The following GALR2 variants were observed in gnomAD, a reference collection of about 807,000 sequenced individuals.
GALR2 encodes galanin receptor 2, also known as galanin receptor type 2.
Under a neutral mutation model 7.2 loss-of-function variants are expected in GALR2, and 5 were observed. That is an observed-to-expected ratio of 0.69 (90% CI 0.36 to 1.45). GALR2 has a LOEUF of 1.45. GALR2 is among the 40% of genes most tolerant of loss of function. The pLI is 0.03. For missense variants in GALR2, 561 were observed against 555.7 expected, an observed-to-expected ratio of 1.01 and a Z score of -0.10; for synonymous variants, 300 against 263.9, an observed-to-expected ratio of 1.14 and a Z score of -1.32.
chr17:76,072,115 G>T, upstream of GALR2: 1 of 1,113,790 alleles, frequency 9.0e-7, no homozygotes, highest in East Asian at 2.6e-5. This position sits in a 1 kb window ranked among gnomAD's most constrained non-coding sequence, Gnocchi z 4.5. Context: ...AGGACGGCGA[G>T]GGGGACACGA....
rs1455054343 is a variant in GALR2 at position 76,075,157 on chromosome 17, G to A, written c.274G>A (p.Val92Met). Residue 92 changes from valine to methionine, a missense_variant, in exon 1 of 2, where the codon GTG becomes ATG. Physicochemically the swap from Val to Met is conservative, Grantham distance 21 (BLOSUM62 1). Transcript: ENST00000329003. The surrounding 1 kb of genome is among the most constrained non-coding windows in gnomAD (Gnocchi z 5.9). ...CACCATCTACACCCTGGACGGCTGG[G>A]TGTTCGGCTCGCTGCTGTGCAAGGC... ...QATIYTLDGW[V>M]FGSLLCKAVH... is the part of the protein sequence containing the mutation. 3 of 1,612,420 alleles carry A rather than the reference G, an allele frequency of 1.9e-6. No homozygotes were observed. Among genetic ancestry groups the A allele is most frequent in the Non-Finnish European group, 2.5e-6 (3 of 1,180,014 alleles).
upstream of GALR2, chr17:76,072,508 A>G: frequency 6.3e-7 from 1 of 1,578,502 alleles, no homozygotes; most frequent in South Asian, 1.1e-5. This position sits in a 1 kb window ranked among gnomAD's most constrained non-coding sequence, Gnocchi z 4.5. Flanking sequence ...CCTGCGCCGC[A>G]GAGCAAGACG....
chr17:76,074,856 C>G lies in GALR2; in HGVS notation c.-28C>G. On this transcript the variant is annotated 5_prime_UTR_variant, in exon 1 of 2. Coordinates refer to ENST00000329003, the MANE Select transcript of GALR2 (RefSeq NM_003857.4). This position sits in a 1 kb window ranked among gnomAD's most constrained non-coding sequence, Gnocchi z 6.7. ...GCGGAGACCCAGACGGCTGCAGGAG[C>G]CCGGGCAGCCTCGGGGTCAGCGGCA... 10 of 1,470,060 alleles carry G rather than the reference C, an allele frequency of 6.8e-6. No individual in the cohort carries two copies. The highest frequency in any genetic ancestry group is 9.0e-6 in the Non-Finnish European group (10 of 1,115,220). The allele number at this position is 1,470,060 out of a possible 1,614,324, so 91.1% of individuals were successfully genotyped here.
upstream of GALR2, chr17:76,072,432 A>G (rs374339461): frequency 0.016 from 25,776 of 1,584,314 alleles, 277 homozygotes; most frequent in African/African-American, 0.027. This position sits in a 1 kb window ranked among gnomAD's most constrained non-coding sequence, Gnocchi z 4.5. Flanking sequence ...CGCCACTGCC[A>G]CCGCCGCCGC....
In GALR2 at chr17:76,075,515, C is replaced by T. The variant is rs1598275379; in HGVS notation, c.368+264C>T. On this transcript the variant is annotated intron_variant, in intron 1 of 1. Transcript: ENST00000329003. This position sits in a 1 kb window ranked among gnomAD's most constrained non-coding sequence, Gnocchi z 5.9. Reference sequence around the variant, plus strand: ...GTGCCTGACAACGCGCAGCGTTTCCCAGTACGACGCGTTTGTGCGCGTTCA... The same window carrying T: ...GTGCCTGACAACGCGCAGCGTTTCCTAGTACGACGCGTTTGTGCGCGTTCA... Among the ~76,000 whole-genome samples, 6 of 152,378 alleles carry T rather than the reference C, an allele frequency of 3.9e-5. 2 individuals carry two copies. The highest frequency in any genetic ancestry group is 3.9e-4 in the Admixed American group (6 of 15,308).
At chr17:76,073,634 G>A (rs1054137481), upstream of GALR2, among the ~76,000 whole-genome samples, 9 of 143,560 alleles carry the variant, frequency 6.3e-5, no homozygotes, top group African/African-American at 2.3e-4. Flanking sequence ...TACGGAATAA[G>A]GTCAGGAGAA....
chr17:76,075,257 C>G lies in GALR2; in HGVS notation c.368+6C>G. 1 of 1,595,066 alleles carries G rather than the reference C, an allele frequency of 6.3e-7. No individual in the cohort carries two copies. The highest frequency in any genetic ancestry group is 1.1e-5 in the South Asian group (1 of 90,352). On this transcript the variant is annotated splice_donor_region_variant and intron_variant, in intron 1 of 1. Coordinates refer to ENST00000329003, the MANE Select transcript of GALR2 (RefSeq NM_003857.4). This position sits in a 1 kb window ranked among gnomAD's most constrained non-coding sequence, Gnocchi z 5.9. ...GCCGCCGTCTCCCTGGACAGGTGAG[C>G]CAGCGCCTTGGCCTCCCTGGGAGAT... is the stretch of plus-strand genomic sequence containing the variant.
Position 76,077,275 on chromosome 17 carries a change from G to A in GALR2, c.1008G>A (p.Glu336=). 1 of 1,601,052 alleles carries A rather than the reference G, an allele frequency of 6.2e-7. No homozygotes were observed. The highest frequency in any genetic ancestry group is 1.3e-5 in the African/African-American group (1 of 74,958). Residue 336 remains glutamate (E), a synonymous_variant, in exon 2 of 2, where the codon GAG becomes GAA. Transcript: ENST00000329003. ...ARGTHSGSVL[E]RESSDLLHMS... ...GCACCCACAGTGGCAGCGTGTTGGA[G>A]CGCGAGTCCAGCGACCTGTTGCACA...
upstream of GALR2, chr17:76,072,119 G>T: frequency 8.8e-7 from 1 of 1,138,282 alleles, no homozygotes; most frequent in Non-Finnish European, 1.2e-6. This position sits in a 1 kb window ranked among gnomAD's most constrained non-coding sequence, Gnocchi z 4.5. Context: ...CGGCGAGGGG[G>T]ACACGAGGAA....
Position 76,077,132 on chromosome 17 carries a change from C to T in GALR2, c.865C>T (p.Pro289Ser), listed in dbSNP as rs761260942. 6.8e-6 allele frequency: 11 copies of T among 1,612,928 alleles called. No individual in the cohort carries two copies. In the South Asian group the frequency reaches 1.2e-4, roughly 18 times the overall value. ...LVSYANSCVNPIVYALVSKHF... is the reference protein window; with the variant it reads ...LVSYANSCVNSIVYALVSKHF... ...CTCCTACGCCAACTCCTGCGTCAAC[C>T]CCATCGTTTACGCGCTGGTCTCCAA... The change falls in exon 2 of 2, where the codon CCC becomes TCC. Residue 289 changes from proline (P) to serine (S), a missense_variant. Pro to Ser is a moderately conservative substitution (Grantham distance 74). Coordinates refer to ENST00000329003, the MANE Select transcript of GALR2 (RefSeq NM_003857.4).
At chr17:76,072,416 C>T (rs780927130), upstream of GALR2, 3 of 1,585,052 alleles carry the variant, frequency 1.9e-6, no homozygotes, top group South Asian at 1.1e-5. The surrounding 1 kb of genome is among the most constrained non-coding windows in gnomAD (Gnocchi z 4.5). Context: ...CCGCCGCTAC[C>T]GCCGCCGCCA....
Position 76,077,500 on chromosome 17 carries a change from T to C in GALR2, c.*69T>C. Reference sequence around the variant, plus strand: ...TTGTTGGGGGACCGTGGGGAGAGCTTTGCCTGTTAATAAAACGCACAAACC... The same window carrying C: ...TTGTTGGGGGACCGTGGGGAGAGCTCTGCCTGTTAATAAAACGCACAAACC... On this transcript the variant is annotated 3_prime_UTR_variant, in exon 2 of 2. Coordinates refer to ENST00000329003, the MANE Select transcript of GALR2 (RefSeq NM_003857.4). 7.6e-7 allele frequency: 1 copy of C among 1,320,378 alleles called. No homozygotes were observed. The highest frequency in any genetic ancestry group is 1.0e-6 in the Non-Finnish European group (1 of 994,290). The allele number at this position is 1,320,378 out of a possible 1,614,324, so 81.8% of individuals were successfully genotyped here.
upstream of GALR2, chr17:76,072,217 A>C: frequency 6.3e-7 from 1 of 1,589,108 alleles, no homozygotes; most frequent in Non-Finnish European, 8.5e-7. This position sits in a 1 kb window ranked among gnomAD's most constrained non-coding sequence, Gnocchi z 4.5. Context: ...CTCTCCTGCC[A>C]GGACTTGTCG....
upstream of GALR2, among the ~76,000 whole-genome samples, chr17:76,074,566 G>A (rs1057456924): frequency 3.9e-5 from 6 of 152,338 alleles, no homozygotes; most frequent in African/African-American, 1.4e-4. This position sits in a 1 kb window ranked among gnomAD's most constrained non-coding sequence, Gnocchi z 6.7. Context: ...CAGAACCCCC[G>A]ACTGCGGGGG....
At chr17:76,074,522 C>T (rs980165955), upstream of GALR2, among the ~76,000 whole-genome samples, 10 of 152,220 alleles carry the variant, frequency 6.6e-5, no homozygotes, top group Admixed American at 6.5e-4. The surrounding 1 kb of genome is among the most constrained non-coding windows in gnomAD (Gnocchi z 6.7). Context: ...ACCGCTCCGG[C>T]GTCTGCCGGG....
Position 76,075,380 on chromosome 17 carries a change from C to T in GALR2, c.368+129C>T, listed in dbSNP as rs1567941044. 3 of 1,016,968 alleles carry T rather than the reference C, an allele frequency of 2.9e-6. No homozygotes were observed. The highest frequency in any genetic ancestry group is 2.8e-6 in the Non-Finnish European group (2 of 705,864). 63.0% of individuals were successfully genotyped at this position (1,016,968 alleles called of 1,614,324 possible). The stretch of plus-strand genomic sequence containing the variant: ...CACTAAGAAGGCAGTGGAAGACAAG[C>T]GGGCGCGGAGGAGGAAAAAGAGGAA... On this transcript the variant is annotated intron_variant, in intron 1 of 1. Coordinates refer to ENST00000329003, the MANE Select transcript of GALR2 (RefSeq NM_003857.4). The surrounding 1 kb of genome is among the most constrained non-coding windows in gnomAD (Gnocchi z 5.9).
Position 76,074,961 on chromosome 17 carries a change from C to T in GALR2, c.78C>T (p.Val26=). Residue 26 remains valine (V), a synonymous_variant, in exon 1 of 2, where the codon GTC becomes GTT. Coordinates refer to ENST00000329003, the MANE Select transcript of GALR2 (RefSeq NM_003857.4). This position sits in a 1 kb window ranked among gnomAD's most constrained non-coding sequence, Gnocchi z 6.7. ...GGGGGWHPEA[V]IVPLLFALIF... is the part of the protein sequence containing the mutation. ...GGGGAGGCTGGCACCCCGAGGCGGT[C>T]ATCGTGCCCCTGCTCTTCGCGCTCA... 1 of 1,589,512 alleles carries T rather than the reference C, an allele frequency of 6.3e-7. No homozygotes were observed. The highest frequency in any genetic ancestry group is 8.5e-7 in the Non-Finnish European group (1 of 1,174,324).
At position 76,075,136 on chromosome 17, in the gene GALR2, A is replaced by T. The variant is rs772801215; in HGVS notation, c.253A>T (p.Ile85Phe). The T allele has an allele frequency of 6.2e-7, 1 of 1,612,594 alleles. No individual in the cohort carries two copies. The highest frequency in any genetic ancestry group is 8.5e-7 in the Non-Finnish European group (1 of 1,179,970). ...ILCCVPFQATIYTLDGWVFGS... is the reference protein window; with the variant it reads ...ILCCVPFQATFYTLDGWVFGS... ...GTGCTGCGTGCCCTTCCAGGCCACC[A>T]TCTACACCCTGGACGGCTGGGTGTT... Residue 85 changes from isoleucine (I) to phenylalanine (F), a missense_variant, in exon 1 of 2, where the codon ATC (isoleucine) becomes TTC (phenylalanine). Transcript: ENST00000329003. This position sits in a 1 kb window ranked among gnomAD's most constrained non-coding sequence, Gnocchi z 5.9.
Position 76,077,490 on chromosome 17 carries a change from G to A in GALR2, c.*59G>A, listed in dbSNP as rs76669670. On this transcript the variant is annotated 3_prime_UTR_variant, in exon 2 of 2. Coordinates refer to ENST00000329003, the MANE Select transcript of GALR2 (RefSeq NM_003857.4). The stretch of plus-strand genomic sequence containing the variant: ...GTTGGAGTCATTGTTGGGGGACCGT[G>A]GGGAGAGCTTTGCCTGTTAATAAAA... 2,508 of 1,364,586 alleles carry A rather than the reference G, an allele frequency of 1.8e-3. 34 individuals carry two copies. The African/African-American group carries it at 0.026, about 14-fold the overall frequency. The allele number at this position is 1,364,586 out of a possible 1,614,324, so 84.5% of individuals were successfully genotyped here.
Sources: gnomAD v4.1 joint callset for allele counts (sites outside exome capture counted in the v4.1 genomes callset) on GRCh38, gnomAD v4.1.1 for gene constraint, Gnocchi (gnomAD v3.1) non-coding constraint, MANE v1.5 for transcripts, NCBI Gene and HGNC (gene_info 2026-07-23, HGNC 2026-07-21) for gene names.